SHF: variants seen among roughly 807,000 people sequenced by gnomAD.
SHF encodes Src homology 2 domain containing F.
A neutral mutation model predicts 42.4 loss-of-function variants in SHF; 30 were observed. That is an observed-to-expected ratio of 0.71 (90% CI 0.53 to 0.96). The LOEUF is 0.96. Among genes scored for constraint, SHF ranks in the 40% least tolerant of loss-of-function variants. The probability of loss-of-function intolerance (pLI) is 0.00; values close to 1 mark genes in which losing one functional copy is unlikely to be tolerated. For missense variants in SHF, 598 were observed against 634.0 expected, an observed-to-expected ratio of 0.94 and a Z score of 0.61; for synonymous variants, 264 against 269.9, an observed-to-expected ratio of 0.98 and a Z score of 0.21.
chr15:45,169,284 G>T (rs1015648753), intron 6 of SHF, among the ~76,000 whole-genome samples: 1 of 152,210 alleles, frequency 6.6e-6, no homozygotes, highest in South Asian at 2.1e-4. Flanking sequence ...AGAAATCAGA[G>T]TGGGGAGGCT....
intron 1 of SHF, chr15:45,181,050 TCCATAGAGC>T (rs1898097807): frequency 6.6e-6 from 1 of 152,042 alleles, no homozygotes; most frequent in African/African-American, 2.4e-5. Context: ...AATCCTCCAC[TCCATAGAGC>T]CCCTTCGGCC....
chr15:45,178,060 A>C (rs749557723), intron 2 of SHF, 105 bp downstream of exon 2: 1 of 1,439,618 alleles, frequency 6.9e-7, no homozygotes, highest in African/African-American at 1.4e-5. Flanking sequence ...GACTTTCTCC[A>C]TATTTTCCAG....
chr15:45,177,266 CTCT>C (rs1897862377), intron 2 of SHF, among the ~76,000 whole-genome samples: 1 of 152,194 alleles, frequency 6.6e-6, no homozygotes, highest in Non-Finnish European at 1.5e-5. Context: ...CAAGCTCTGG[CTCT>C]TCTTTTGCAG....
chr15:45,172,939 T>C (rs1387701291), intron 4 of SHF, among the ~76,000 whole-genome samples: 1 of 151,350 alleles, frequency 6.6e-6, no homozygotes, highest in South Asian at 2.1e-4. Flanking sequence ...GCTGAGCCCA[T>C]AAGGGAAGGC....
chr15:45,192,832 C>T (rs538672924), upstream of SHF, among the ~76,000 whole-genome samples: 5 of 152,324 alleles, frequency 3.3e-5, no homozygotes, highest in Admixed American at 3.3e-4. Flanking sequence ...GGATGTCCCA[C>T]ATTCTGGACT....
At chr15:45,194,101 CAAAAAAAAAA>C (rs56176160) in intron 2 of SHF, among the ~76,000 whole-genome samples, 4 of 75,600 alleles carry the variant, frequency 5.3e-5, no homozygotes, top group Non-Finnish European at 1.0e-4. Context: ...GAGTTTGTCT[CAAAAAAAAAA>C]AAAAAAAAAA....
chr15:45,189,008 C>T (rs1486806697), upstream of SHF, among the ~76,000 whole-genome samples: 1 of 151,942 alleles, frequency 6.6e-6, no homozygotes, highest in Non-Finnish European at 1.5e-5. Context: ...CTGGCTAACA[C>T]GGTGAAACCC....
In SHF at chr15:45,178,299, A is replaced by G. The variant is rs747711532; in HGVS notation, c.506T>C (p.Ile169Thr). ...AAACGGGTCCGCATAGTCTTCTAGG[A>G]TAGCTAGCTGTGGGAGGAGAGTGAA... Reference protein sequence around the residue: ...GPPASSDRLAILEDYADPFDV... With the variant: ...GPPASSDRLATLEDYADPFDV... The change falls in exon 2 of 7, where the codon ATC (isoleucine) becomes ACC (threonine). Residue 169 changes from isoleucine to threonine, a missense_variant. This residue lies in a region of SHF where 439 missense variants were observed against 524.6 expected (regional missense o/e 0.84). Coordinates refer to ENST00000690270, the MANE Select transcript of SHF (RefSeq NM_001394037.1). The G allele has an allele frequency of 1.2e-6, 2 of 1,612,882 alleles. No homozygotes were observed. Among genetic ancestry groups the G allele is most frequent in the East Asian group, 4.5e-5 (2 of 44,838 alleles).
exon 1 of SHF, chr15:45,201,000 A>T (rs1899072972): frequency 2.8e-6 from 1 of 362,792 alleles, no homozygotes; most frequent in African/African-American, 2.1e-5. Context: ...CGGGCTAGGG[A>T]GTCCACAGCG....
chr15:45,192,515 C>A (rs1898737480), upstream of SHF, among the ~76,000 whole-genome samples: 1 of 151,844 alleles, frequency 6.6e-6, no homozygotes, highest in Non-Finnish European at 1.5e-5. Flanking sequence ...CTACAGGCAC[C>A]CGCCACCATG....
chr15:45,183,025 G>C (rs888734660), intron 1 of SHF, among the ~76,000 whole-genome samples: 9 of 152,184 alleles, frequency 5.9e-5, no homozygotes, highest in African/African-American at 2.2e-4. Context: ...CTTGGGATTG[G>C]GTAGCAAGTG....
chr15:45,196,137 A>G (rs935298353), intron 2 of SHF, among the ~76,000 whole-genome samples: 1 of 131,676 alleles, frequency 7.6e-6, no homozygotes, highest in Admixed American at 9.1e-5. Context: ...TGGCTCTGTC[A>G]CCTAGGCTGG....
At chr15:45,175,984 AATTTTTGT>A (rs1209855329) in intron 2 of SHF, among the ~76,000 whole-genome samples, 10 of 151,646 alleles carry the variant, frequency 6.6e-5, no homozygotes, top group Non-Finnish European at 1.3e-4. Flanking sequence ...ATGCCCGGCT[AATTTTTGT>A]ATTTTTGTAG....
chr15:45,198,710 G>C, intron 2 of SHF: 1 of 1,547,970 alleles, frequency 6.5e-7, no homozygotes, highest in Non-Finnish European at 8.7e-7. Flanking sequence ...GTTGGCTTCT[G>C]ATTATCCTCT....
At chr15:45,191,145 G>T (rs923147465), upstream of SHF, among the ~76,000 whole-genome samples, 3 of 152,282 alleles carry the variant, frequency 2.0e-5, no homozygotes, top group South Asian at 6.2e-4. Context: ...GCTCACTGCA[G>T]CCTTGAACTT....
At chr15:45,170,671 A>C in intron 6 of SHF, 1 of 296,544 alleles carries the variant, frequency 3.4e-6, no homozygotes, top group South Asian at 2.7e-5. Context: ...TTTTTCTGAG[A>C]CAGAGTCTTG....
In SHF at chr15:45,167,913, G is replaced by C. The variant is rs1391485739; in HGVS notation, c.*34C>G. ...CAGCCAGGTGATGGGCACAGGGCTG[G>C]GTACAGGTCTATCACAGTGCCCTGG... On this transcript the variant is annotated 3_prime_UTR_variant, in exon 7 of 7. Transcript: ENST00000690270. 6.5e-7 allele frequency: 1 copy of C among 1,528,004 alleles called. No individual in the cohort carries two copies. Among genetic ancestry groups the C allele is most frequent in the Admixed American group, 1.9e-5 (1 of 52,926 alleles). The allele number at this position is 1,528,004 out of a possible 1,614,324, so 94.7% of individuals were successfully genotyped here.
chr15:45,168,833 C>T (rs1336158898), intron 6 of SHF, among the ~76,000 whole-genome samples: 1 of 152,232 alleles, frequency 6.6e-6, no homozygotes, highest in African/African-American at 2.4e-5. Context: ...CTGCCATCTC[C>T]CTGCCACAGC....
At chr15:45,191,977 A>T (rs1157665782), upstream of SHF, among the ~76,000 whole-genome samples, 1 of 150,988 alleles carries the variant, frequency 6.6e-6, no homozygotes, top group Non-Finnish European at 1.5e-5. Flanking sequence ...TTTACCCTTC[A>T]GCTAGATTCA....
Sources: allele counts gnomAD v4.1 joint callset (sites outside exome capture counted in the v4.1 genomes callset), GRCh38; gene constraint gnomAD v4.1.1; regional missense constraint gnomAD v4.1.1; transcripts MANE v1.5; gene names NCBI Gene and HGNC (gene_info 2026-07-23, HGNC 2026-07-21).